EPHA3: variants seen among roughly 807,000 people sequenced by gnomAD.
EPHA3 encodes the protein ephrin type-A receptor 3.
Under a neutral mutation model 107.1 loss-of-function variants are expected in EPHA3, and 42 were observed. The observed-to-expected ratio is 0.39, with a 90% CI of 0.31 to 0.51. The LOEUF (loss-of-function observed/expected upper bound fraction) is 0.51. Ranked by LOEUF, EPHA3 falls within the 20% of genes least tolerant of loss-of-function variation. EPHA3 has a pLI of 0.78. For synonymous variants in EPHA3, 461 were observed against 424.8 expected (o/e 1.09, Z -1.05); for missense variants, 1,183 against 1,211.2 (o/e 0.98, Z 0.35).
intron 11 of EPHA3, among the ~76,000 whole-genome samples, chr3:89,424,530 T>C (rs1709419852): frequency 6.6e-6 from 1 of 151,440 alleles, no homozygotes; most frequent in East Asian, 1.9e-4. Flanking sequence ...TTAAACCTTT[T>C]TTTTTGACTT....
chr3:89,241,701 A>AC (rs1214090572), intron 3 of EPHA3, among the ~76,000 whole-genome samples: 4 of 151,318 alleles, frequency 2.6e-5, no homozygotes, highest in Non-Finnish European at 4.4e-5. Flanking sequence ...TTCTTTTATC[A>AC]CCCCCCTGCA....
At chr3:89,156,398 T>C (rs1704807364) in intron 2 of EPHA3, among the ~76,000 whole-genome samples, 1 of 152,116 alleles carries the variant, frequency 6.6e-6, no homozygotes, top group Non-Finnish European at 1.5e-5. Context: ...GAGGAGCAAG[T>C]GCTCTTATTT....
chr3:89,221,651 A>C (rs1178213366), intron 3 of EPHA3, among the ~76,000 whole-genome samples: 1 of 152,198 alleles, frequency 6.6e-6, no homozygotes, highest in African/African-American at 2.4e-5. Flanking sequence ...GGAATATACC[A>C]TTTGATCCTC....
intron 9 of EPHA3, among the ~76,000 whole-genome samples, chr3:89,412,001 C>T (rs1334784562): frequency 6.6e-6 from 1 of 151,826 alleles, no homozygotes; most frequent in Non-Finnish European, 1.5e-5. Flanking sequence ...TATTAAGTAT[C>T]CATATTCTGT....
intron 5 of EPHA3, among the ~76,000 whole-genome samples, chr3:89,350,099 A>T (rs1390382157): frequency 6.6e-6 from 1 of 150,446 alleles, no homozygotes; most frequent in African/African-American, 2.4e-5. Flanking sequence ...TGTGTCTTGG[A>T]GTTGCTCTTC....
At chr3:89,456,664 C>A (rs1031528364) in intron 15 of EPHA3, among the ~76,000 whole-genome samples, 3 of 152,040 alleles carry the variant, frequency 2.0e-5, no homozygotes, top group Admixed American at 1.3e-4. Flanking sequence ...AGCTGATGGT[C>A]AGGGTGGGCC....
intron 3 of EPHA3, among the ~76,000 whole-genome samples, chr3:89,332,681 A>C (rs1707313985): frequency 1.3e-5 from 2 of 152,168 alleles, no homozygotes; most frequent in African/African-American, 2.4e-5. Flanking sequence ...TTGTACAGGC[A>C]AATAGACCCT....
intron 1 of EPHA3, among the ~76,000 whole-genome samples, chr3:89,115,383 G>A (rs1212091738): frequency 6.6e-6 from 1 of 151,846 alleles, no homozygotes; most frequent in Admixed American, 6.6e-5. Context: ...CCCAAAGCCC[G>A]TGTTTGACTG....
intron 2 of EPHA3, among the ~76,000 whole-genome samples, chr3:89,156,834 C>T (rs1165102148): frequency 1.3e-5 from 2 of 151,668 alleles, no homozygotes; most frequent in Non-Finnish European, 2.9e-5. Flanking sequence ...GGTGGCATCA[C>T]TTTCCTTTAT....
intron 15 of EPHA3, among the ~76,000 whole-genome samples, chr3:89,468,084 G>C (rs892657623): frequency 1.3e-5 from 2 of 152,234 alleles, no homozygotes; most frequent in African/African-American, 4.8e-5. Context: ...GACATCACAG[G>C]CTCTTCACAG....
intron 13 of EPHA3, among the ~76,000 whole-genome samples, chr3:89,441,652 A>G (rs1054256280): frequency 6.6e-6 from 1 of 152,310 alleles, no homozygotes. Context: ...CCAGAAAAAA[A>G]TAACACTCAT....
rs755172206 is a variant in EPHA3 at position 89,210,382 on chromosome 3, G to A, written c.676G>A (p.Val226Ile). The change falls in exon 3 of 17, where the codon GTT becomes ATT. Residue 226 changes from valine to isoleucine, a missense_variant. Transcript: ENST00000336596. ...CATGGACTCCCAGTCCCTGGTGGAG[G>A]TTAGAGGGTCTTGTGTCAACAATTC... Reference protein sequence around the residue: ...VPMDSQSLVEVRGSCVNNSKE... With the variant: ...VPMDSQSLVEIRGSCVNNSKE... 37 of 1,613,896 alleles carry A rather than the reference G, an allele frequency of 2.3e-5. No individual in the cohort carries two copies. The South Asian group carries it at 3.8e-4, about 17-fold the overall frequency.
chr3:89,409,383 C>G (rs529849543), intron 9 of EPHA3, among the ~76,000 whole-genome samples: 1 of 152,058 alleles, frequency 6.6e-6, no homozygotes, highest in East Asian at 1.9e-4. Flanking sequence ...GATTAAGTCA[C>G]CCTCAATTTG....
intron 5 of EPHA3, among the ~76,000 whole-genome samples, chr3:89,387,172 G>T (rs528061710): frequency 1.3e-5 from 2 of 152,220 alleles, no homozygotes; most frequent in South Asian, 2.1e-4. Context: ...AGGTGTCAGG[G>T]GTGGAATGAC....
At chr3:89,456,906 T>C (rs1190339238) in intron 15 of EPHA3, among the ~76,000 whole-genome samples, 10 of 152,180 alleles carry the variant, frequency 6.6e-5, no homozygotes, top group African/African-American at 2.2e-4. Flanking sequence ...GATGATTATA[T>C]AGGTACCAGA....
At position 89,481,864 on chromosome 3, in the gene EPHA3, C is replaced by T. The variant is rs1235386646; in HGVS notation, c.*2362C>T. The T allele has an allele frequency of 4.3e-6, 1 of 230,872 alleles. No individual in the cohort carries two copies. Among genetic ancestry groups the T allele is most frequent in the Non-Finnish European group, 8.6e-6 (1 of 116,360 alleles). 14.3% of individuals were successfully genotyped at this position (230,872 alleles called of 1,614,324 possible). On this transcript the variant is annotated 3_prime_UTR_variant, in exon 17 of 17. Transcript: ENST00000336596. ...ACAACTCCTACATGATGTTATGTACCATATGATCTGTTTTGTATCTTAAAT... is the reference window on the plus strand; with the variant it reads ...ACAACTCCTACATGATGTTATGTACTATATGATCTGTTTTGTATCTTAAAT...
intron 3 of EPHA3, among the ~76,000 whole-genome samples, chr3:89,275,544 T>C (rs1281339837): frequency 2.0e-5 from 3 of 152,058 alleles, no homozygotes; most frequent in Non-Finnish European, 4.4e-5. Flanking sequence ...ACTAAGAGGT[T>C]CAAATGAGAT....
chr3:89,196,585 A>G (rs1705841732), intron 2 of EPHA3, among the ~76,000 whole-genome samples: 1 of 150,958 alleles, frequency 6.6e-6, no homozygotes, highest in African/African-American at 2.5e-5. Context: ...ACTCAGTTGG[A>G]ATTTTGGGGG....
chr3:89,407,026 A>G (rs905881737), intron 7 of EPHA3, among the ~76,000 whole-genome samples: 1 of 152,154 alleles, frequency 6.6e-6, no homozygotes, highest in African/African-American at 2.4e-5. Flanking sequence ...TGTTTGATTG[A>G]TGTCATTGAA....
Sources: allele counts gnomAD v4.1 joint callset (sites outside exome capture counted in the v4.1 genomes callset), GRCh38; gene constraint gnomAD v4.1.1; transcripts MANE v1.5; gene names NCBI Gene and HGNC (gene_info 2026-07-23, HGNC 2026-07-21).